The following GLIS3 variants were observed in gnomAD, a reference collection of about 807,000 sequenced individuals.
GLIS3 encodes zinc finger protein GLIS3.
A neutral mutation model predicts 78.6 loss-of-function variants in GLIS3; 53 were observed. The ratio of observed to expected loss-of-function variants is 0.67; its 90% CI spans 0.54 to 0.85. The LOEUF (loss-of-function observed/expected upper bound fraction) is 0.85. GLIS3 is among the 40% of genes least tolerant of loss of function. The pLI is 0.00. For synonymous variants in GLIS3, 684 were observed against 509.9 expected (o/e 1.34, Z -4.60); for missense variants, 1,703 against 1,231.1 (o/e 1.38, Z -5.74).
chr9:3,877,652 A>C (rs2130446028), intron 8 of GLIS3, among the ~76,000 whole-genome samples: 1 of 152,302 alleles, frequency 6.6e-6, no homozygotes, highest in Middle Eastern at 3.4e-3. Flanking sequence ...AAAACTTATA[A>C]ATGAATTTTG....
chr9:4,298,892 C>A (rs1451259970), intron 1 of GLIS3, among the ~76,000 whole-genome samples: 1 of 152,164 alleles, frequency 6.6e-6, no homozygotes. Context: ...GGAAAACAGC[C>A]TTCGTGAAAC....
At chr9:4,413,802 G>C in the GLIS3 span, among the ~76,000 whole-genome samples, 1 of 151,982 alleles carries the variant, frequency 6.6e-6, no homozygotes, top group Non-Finnish European at 1.5e-5. Context: ...AACCCCAAAA[G>C]AGCCAGTTTC....
At chr9:4,370,681 T>G in the GLIS3 span, among the ~76,000 whole-genome samples, 1 of 150,878 alleles carries the variant, frequency 6.6e-6, no homozygotes, top group Non-Finnish European at 1.5e-5. Flanking sequence ...CATAATAGAG[T>G]GTATTTTATA....
At chr9:3,953,695 C>A (rs1425879391) in intron 4 of GLIS3, among the ~76,000 whole-genome samples, 1 of 143,864 alleles carries the variant, frequency 7.0e-6, no homozygotes, top group African/African-American at 2.6e-5. Context: ...TTTTTGATAA[C>A]AATTCTTTTG....
chr9:4,159,375 T>C (rs887450035), intron 2 of GLIS3, among the ~76,000 whole-genome samples: 2 of 152,166 alleles, frequency 1.3e-5, no homozygotes, highest in Non-Finnish European at 2.9e-5. Context: ...TAATAGACCA[T>C]AGGCTCTCAA....
chr9:3,975,793 C>T (rs572060939), intron 4 of GLIS3, among the ~76,000 whole-genome samples: 1 of 152,168 alleles, frequency 6.6e-6, no homozygotes, highest in East Asian at 1.9e-4. Flanking sequence ...ATAAAGACCC[C>T]ACAGAAAACA....
chr9:4,268,900 T>A (rs1000842249), intron 2 of GLIS3, among the ~76,000 whole-genome samples: 1 of 152,132 alleles, frequency 6.6e-6, no homozygotes, highest in Admixed American at 6.6e-5. Context: ...AGTAGCTGTT[T>A]GCTGCAGCTA....
chr9:4,056,341 G>T (rs560149043), intron 4 of GLIS3, among the ~76,000 whole-genome samples: 1 of 152,194 alleles, frequency 6.6e-6, no homozygotes, highest in African/African-American at 2.4e-5. Flanking sequence ...TGTGGATGCA[G>T]CTTCAAATAC....
At chr9:3,929,971 T>C (rs920475338) in intron 6 of GLIS3, among the ~76,000 whole-genome samples, 1 of 152,190 alleles carries the variant, frequency 6.6e-6, no homozygotes, top group Non-Finnish European at 1.5e-5. Context: ...AGTAACAACA[T>C]TGTACCATGT....
At chr9:4,092,418 CTTTA>C (rs1323253780) in intron 4 of GLIS3, among the ~76,000 whole-genome samples, 2 of 152,122 alleles carry the variant, frequency 1.3e-5, no homozygotes, top group Non-Finnish European at 2.9e-5. Flanking sequence ...TCCCAATAAA[CTTTA>C]TTTTTTGTTT....
chr9:4,020,376 C>T (rs911151723), intron 4 of GLIS3, among the ~76,000 whole-genome samples: 1 of 152,186 alleles, frequency 6.6e-6, no homozygotes, highest in African/African-American at 2.4e-5. Context: ...CACACTGCCA[C>T]TCTTCCTGGC....
intron 4 of GLIS3, among the ~76,000 whole-genome samples, chr9:4,057,185 G>A (rs1364547750): frequency 6.6e-6 from 1 of 152,074 alleles, no homozygotes; most frequent in Non-Finnish European, 1.5e-5. Flanking sequence ...CTGGCTTCAT[G>A]GGCATCAAAG....
At chr9:3,987,476 TG>T (rs1287184523) in intron 4 of GLIS3, among the ~76,000 whole-genome samples, 3 of 151,208 alleles carry the variant, frequency 2.0e-5, no homozygotes, top group African/African-American at 7.3e-5. Context: ...CCAAGGCGGG[TG>T]GATCACCTGA....
intron 9 of GLIS3, among the ~76,000 whole-genome samples, chr9:3,833,538 TGA>T (rs34671534): frequency 0.096 from 14,562 of 152,092 alleles, 912 homozygotes; most frequent in African/African-American, 0.17. Context: ...GCGTAAAACC[TGA>T]GAGTGGTGGC....
chr9:4,016,926 G>A (rs1468784717), intron 4 of GLIS3, among the ~76,000 whole-genome samples: 2 of 152,060 alleles, frequency 1.3e-5, no homozygotes, highest in Non-Finnish European at 2.9e-5. Flanking sequence ...CTTGGGTAAC[G>A]CAGCCCAAGA....
At chr9:3,862,914 G>A (rs571534281) in intron 8 of GLIS3, among the ~76,000 whole-genome samples, 21 of 36,056 alleles carry the variant, frequency 5.8e-4, no homozygotes, top group African/African-American at 2.0e-3. Flanking sequence ...ATTTGGGGAG[G>A]TATTTTTTAT....
At position 3,856,211 on chromosome 9, in the gene GLIS3, A is replaced by G. The variant is rs761250285; in HGVS notation, c.2298-27T>C. ...TGAGAAAACAATTATAAAAGGAAAC[A>G]TGAGGGACATAAAACAGCAGGAACA... On this transcript the variant is annotated intron_variant, in intron 8 of 10. Coordinates refer to ENST00000381971, the MANE Select transcript of GLIS3 (RefSeq NM_001042413.2). 4 of 1,599,894 alleles carry G rather than the reference A, an allele frequency of 2.5e-6. No homozygotes were observed. The South Asian group carries it at 4.5e-5, about 18-fold the overall frequency.
At chr9:4,470,937 C>G in the GLIS3 span, among the ~76,000 whole-genome samples, 1 of 152,002 alleles carries the variant, frequency 6.6e-6, no homozygotes, top group Non-Finnish European at 1.5e-5. Flanking sequence ...GTGCAAAAAT[C>G]ACAAGCATTC....
At chr9:4,018,822 G>GAC in intron 4 of GLIS3, among the ~76,000 whole-genome samples, 1 of 152,280 alleles carries the variant, frequency 6.6e-6, no homozygotes, top group Non-Finnish European at 1.5e-5. Flanking sequence ...TATAAATGGG[G>GAC]ACAAGCTAAT....
Sources: gnomAD v4.1 joint callset for allele counts (sites outside exome capture counted in the v4.1 genomes callset) on GRCh38, gnomAD v4.1.1 for gene constraint, MANE v1.5 for transcripts, NCBI Gene and HGNC (gene_info 2026-07-23, HGNC 2026-07-21) for gene names.